The following ROCK1 variants were observed in gnomAD, a reference collection of about 807,000 sequenced individuals.
ROCK1 encodes the protein rho-associated protein kinase 1.
ROCK1 carries 36 observed loss-of-function variants against 196.8 expected under a neutral mutation model. The observed-to-expected ratio is 0.18, with a 90% CI of 0.14 to 0.24. The LOEUF (loss-of-function observed/expected upper bound fraction) is 0.24. Ranked by LOEUF, ROCK1 falls within the 10% of genes least tolerant of loss-of-function variation. ROCK1 has a pLI of 1.00. For synonymous variants in ROCK1, 443 were observed against 515.9 expected (o/e 0.86, Z 1.91); for missense variants, 920 against 1,562.0 (o/e 0.59, Z 6.93).
chr18:21,094,354 T>C (rs2036595005), intron 1 of ROCK1, among the ~76,000 whole-genome samples: 1 of 152,140 alleles, frequency 6.6e-6, no homozygotes, highest in South Asian at 2.1e-4. Flanking sequence ...GGAGAAAATA[T>C]GTGCAAACAA....
intron 8 of ROCK1, among the ~76,000 whole-genome samples, chr18:21,041,556 T>G (rs1011215088): frequency 6.6e-6 from 1 of 152,064 alleles, no homozygotes; most frequent in South Asian, 2.1e-4. Context: ...GCTTGTTGGA[T>G]CTACAAGATG....
intron 2 of ROCK1, among the ~76,000 whole-genome samples, chr18:21,064,407 C>T: frequency 6.6e-6 from 1 of 152,208 alleles, no homozygotes; most frequent in East Asian, 1.9e-4. Flanking sequence ...ACATTCTCTA[C>T]AAACTTCTAC....
In ROCK1 at chr18:21,001,880, T is replaced by C. The variant is rs1598523753; in HGVS notation, c.1885+4471A>G. 4.6e-5 allele frequency among the ~76,000 whole-genome samples: 7 copies of C among 151,978 alleles called. No homozygotes were observed. The South Asian group carries it at 1.0e-3, about 23-fold the overall frequency. On this transcript the variant is annotated intron_variant, in intron 16 of 32. Coordinates refer to ENST00000399799, the MANE Select transcript of ROCK1 (RefSeq NM_005406.3). ...ACAGAACAAAGGGACAAAGAATAAATGCAATCTTAGAAAACTGATGGATTA... is the reference window on the plus strand; with the variant it reads ...ACAGAACAAAGGGACAAAGAATAAACGCAATCTTAGAAAACTGATGGATTA...
At chr18:21,044,884 T>C (rs2036141623) in intron 5 of ROCK1, among the ~76,000 whole-genome samples, 2 of 152,068 alleles carry the variant, frequency 1.3e-5, no homozygotes, top group Admixed American at 6.6e-5. Flanking sequence ...CTTCCTGACA[T>C]AGAATCTCAC....
intron 27 of ROCK1, among the ~76,000 whole-genome samples, chr18:20,965,095 A>C (rs1395167474): frequency 4.6e-5 from 7 of 152,220 alleles, no homozygotes; most frequent in African/African-American, 1.7e-4. Flanking sequence ...ACTGACACTA[A>C]ATAGAGCAAG....
chr18:21,083,723 G>A (rs1000874382), intron 1 of ROCK1, among the ~76,000 whole-genome samples: 31 of 152,142 alleles, frequency 2.0e-4, no homozygotes, highest in African/African-American at 6.8e-4. Flanking sequence ...CATTATGTAA[G>A]AATACAGTAC....
chr18:20,985,208 G>A (rs1226149137), intron 19 of ROCK1, among the ~76,000 whole-genome samples: 4 of 152,104 alleles, frequency 2.6e-5, no homozygotes, highest in Non-Finnish European at 4.4e-5. Flanking sequence ...CAAACTGAAC[G>A]TATGTTTTAT....
chr18:21,041,902 A>G (rs965473286), intron 8 of ROCK1, among the ~76,000 whole-genome samples, 195 bp downstream of exon 8: 1 of 152,214 alleles, frequency 6.6e-6, no homozygotes, highest in African/African-American at 2.4e-5. Flanking sequence ...CTGTATTATT[A>G]TCACAATTTC....
chr18:21,016,771 A>C (rs1251745304), intron 12 of ROCK1, among the ~76,000 whole-genome samples: 1 of 152,132 alleles, frequency 6.6e-6, no homozygotes, highest in Non-Finnish European at 1.5e-5. Context: ...GCTGCTAATT[A>C]AGCAGGAACT....
chr18:20,979,143 G>A (rs1364425234), intron 22 of ROCK1, among the ~76,000 whole-genome samples: 2 of 152,022 alleles, frequency 1.3e-5, no homozygotes, highest in Non-Finnish European at 2.9e-5. Context: ...TGCCCAGGCT[G>A]GTCTTGAACT....
intron 19 of ROCK1, among the ~76,000 whole-genome samples, chr18:20,986,707 T>C (rs926490636): frequency 7.2e-5 from 11 of 152,182 alleles, no homozygotes; most frequent in African/African-American, 2.7e-4. Context: ...AACTATGACA[T>C]TTCAATATAG....
intron 16 of ROCK1, among the ~76,000 whole-genome samples, chr18:21,003,579 G>A (rs892371784): frequency 2.0e-5 from 3 of 152,166 alleles, no homozygotes; most frequent in African/African-American, 7.2e-5. Context: ...AAAGGACAAT[G>A]TGGTGCCTGA....
Position 21,076,704 on chromosome 18 carries a change from C to CACAG in ROCK1, c.94-6092_94-6091insCTGT, listed in dbSNP as rs1388445962. Reference sequence around the variant, plus strand: ...ACACACACACACACACACACACACACAGAGCCATAATTTATTTTAAGTCAC... The same window carrying CACAG: ...ACACACACACACACACACACACACACACAGAGAGCCATAATTTATTTTAAGTCAC... On this transcript the variant is annotated intron_variant, in intron 1 of 32. Transcript: ENST00000399799. Among the ~76,000 whole-genome samples the CACAG allele has an allele frequency of 2.9e-3, 432 of 150,190 alleles. 3 individuals are homozygous for CACAG. The highest frequency in any genetic ancestry group is 4.8e-3 in the Non-Finnish European group (323 of 67,870).
intron 13 of ROCK1, among the ~76,000 whole-genome samples, chr18:21,009,018 C>A (rs1445378625): frequency 6.6e-6 from 1 of 152,128 alleles, no homozygotes; most frequent in East Asian, 1.9e-4. Context: ...ACAACAATTT[C>A]TTTCCAGTCA....
intron 27 of ROCK1, among the ~76,000 whole-genome samples, chr18:20,961,507 G>C (rs1275610379): frequency 6.6e-6 from 1 of 152,136 alleles, no homozygotes; most frequent in Non-Finnish European, 1.5e-5. Context: ...AAGAGACTAA[G>C]GCTTAGCAGG....
At chr18:20,968,687 T>C in intron 25 of ROCK1, 85 bp downstream of exon 25, 2 of 791,326 alleles carry the variant, frequency 2.5e-6, no homozygotes, top group Admixed American at 2.1e-5. Context: ...TTGAACCTTA[T>C]AAGCCTTGGT....
Position 21,015,455 on chromosome 18 carries a change from C to T in ROCK1, c.1386G>A (p.Lys462=). The T allele has an allele frequency of 1.9e-6, 3 of 1,566,692 alleles. No homozygotes were observed. The highest frequency in any genetic ancestry group is 2.6e-6 in the Non-Finnish European group (3 of 1,141,494). ...CCTCTTCATCCAATTCTTTCATTAT[C>T]TTGTCTAGTTTTATGTTTGAGGTTC... ...KCRTSNIKLD[K]IMKELDEEGN... is the part of the protein sequence containing the mutation. Residue 462 remains lysine, a synonymous_variant, in exon 13 of 33, where the codon AAG becomes AAA. Transcript: ENST00000399799.
intron 11 of ROCK1, among the ~76,000 whole-genome samples, chr18:21,022,153 C>T (rs984484792): frequency 1.3e-5 from 2 of 151,732 alleles, no homozygotes; most frequent in Non-Finnish European, 2.9e-5. Flanking sequence ...GTCTCTGTGC[C>T]CCCCCACAAA....
intron 8 of ROCK1, among the ~76,000 whole-genome samples, chr18:21,040,964 T>C (rs2036100522): frequency 6.6e-6 from 1 of 150,928 alleles, no homozygotes. Flanking sequence ...CTATCAAAAA[T>C]ACAAAAATTA....
Sources: allele counts gnomAD v4.1 joint callset (sites outside exome capture counted in the v4.1 genomes callset), GRCh38; gene constraint gnomAD v4.1.1; transcripts MANE v1.5; gene names NCBI Gene and HGNC (gene_info 2026-07-23, HGNC 2026-07-21).